Variants in ANKFN1 observed in about 807,000 individuals in gnomAD.
The protein encoded by ANKFN1 is ankyrin repeat and fibronectin type III domain containing 1.
Under a neutral mutation model 108.7 loss-of-function variants are expected in ANKFN1, and 74 were observed. That is an observed-to-expected ratio of 0.68 (90% CI 0.56 to 0.83). ANKFN1 has a LOEUF of 0.83. Ranked by LOEUF, ANKFN1 falls within the 40% of genes least tolerant of loss-of-function variation. The probability of loss-of-function intolerance (pLI) is 0.00; values close to 1 mark genes in which losing one functional copy is unlikely to be tolerated. For missense variants in ANKFN1, 1,505 were observed against 1,382.3 expected, an observed-to-expected ratio of 1.09 and a Z score of -1.41; for synonymous variants, 547 against 516.2, an observed-to-expected ratio of 1.06 and a Z score of -0.81.
Position 56,511,635 on chromosome 17 carries a change from T to C in ANKFN1, c.*366T>C, listed in dbSNP as rs2051776487. 5.3e-6 allele frequency: 1 copy of C among 187,454 alleles called. No individual in the cohort carries two copies. Among genetic ancestry groups the C allele is most frequent in the Non-Finnish European group, 1.1e-5 (1 of 92,022 alleles). The allele number at this position is 187,454 out of a possible 1,614,324, so 11.6% of individuals were successfully genotyped here. On this transcript the variant is annotated 3_prime_UTR_variant, in exon 21 of 21. Transcript: ENST00000682825. ...TAATCTGACCCCTAGTTTAGGGCTC[T>C]TTCATGAATTTGTGATTGATGAAGA...
rs553962897 is a variant in ANKFN1 at position 56,052,984 on chromosome 17, G to T, written c.288+6659G>T. On this transcript the variant is annotated intron_variant, in intron 4 of 12. Coordinates refer to the ANKFN1 transcript ENST00000635860. Reference sequence around the variant, plus strand: ...GTCAACTCATTTAACATGGGATGAGGGAATGATAAAAAATGTAAAAGAGCA... The same window carrying T: ...GTCAACTCATTTAACATGGGATGAGTGAATGATAAAAAATGTAAAAGAGCA... Among the ~76,000 whole-genome samples, 4 of 152,046 alleles carry T rather than the reference G, an allele frequency of 2.6e-5. No homozygotes were observed. The South Asian group carries it at 8.3e-4, about 32-fold the overall frequency.
intron 1 of ANKFN1, among the ~76,000 whole-genome samples, chr17:56,169,057 C>CA (rs1910412106): frequency 6.6e-6 from 1 of 151,944 alleles, no homozygotes; most frequent in African/African-American, 2.4e-5. Flanking sequence ...GGAGATGTAA[C>CA]AGAAAGCGGG....
chr17:56,403,403 G>C (rs1182668805), intron 8 of ANKFN1, among the ~76,000 whole-genome samples: 1 of 151,970 alleles, frequency 6.6e-6, no homozygotes, highest in African/African-American at 2.4e-5. Flanking sequence ...TATATGTTTA[G>C]GATTGTGATA....
At chr17:56,222,767 G>A (rs1915978095) in intron 2 of ANKFN1, among the ~76,000 whole-genome samples, 1 of 152,154 alleles carries the variant, frequency 6.6e-6, no homozygotes, top group Non-Finnish European at 1.5e-5. Context: ...TGTTGATAGA[G>A]GGTGAATAGT....
chr17:56,195,663 C>T (rs1913438359), intron 1 of ANKFN1, among the ~76,000 whole-genome samples: 1 of 152,184 alleles, frequency 6.6e-6, no homozygotes, highest in Non-Finnish European at 1.5e-5. Context: ...TCCTTCTCCT[C>T]ATCAAGTAAA....
chr17:56,427,390 G>C (rs571256055), intron 8 of ANKFN1, among the ~76,000 whole-genome samples: 193 of 152,192 alleles, frequency 1.3e-3, no homozygotes, highest in African/African-American at 4.4e-3. Flanking sequence ...CAATGTACAC[G>C]AGTCTTCTGT....
At chr17:56,476,419 A>G (rs908412543) in intron 15 of ANKFN1, among the ~76,000 whole-genome samples, 3 of 152,334 alleles carry the variant, frequency 2.0e-5, no homozygotes, top group Middle Eastern at 6.8e-3. Flanking sequence ...CCATTCAAAC[A>G]TCCCTGTACT....
At chr17:56,366,557 G>A (rs1458861927) in intron 6 of ANKFN1, among the ~76,000 whole-genome samples, 2 of 152,162 alleles carry the variant, frequency 1.3e-5, no homozygotes, top group African/African-American at 4.8e-5. Context: ...CAGGGTAAAT[G>A]CCCTATACAG....
chr17:56,245,075 T>G (rs9905424), intron 3 of ANKFN1, among the ~76,000 whole-genome samples: 9,172 of 152,160 alleles, frequency 0.06, 376 homozygotes, highest in African/African-American at 0.11. Flanking sequence ...AACCCTATTT[T>G]TATTTCAAAT....
At position 56,416,515 on chromosome 17, in the gene ANKFN1, A is replaced by G. The variant is rs1451916242; in HGVS notation, c.911-23812A>G. ...AAAACTCCCATGAGATTATCATCTC[A>G]CCCCAGTTAAAATGGCTTTCATCCA... On this transcript the variant is annotated intron_variant, in intron 8 of 20. Transcript: ENST00000682825. Among the ~76,000 whole-genome samples the G allele has an allele frequency of 3.9e-5, 6 of 152,314 alleles. No individual in the cohort carries two copies. The East Asian group carries it at 1.2e-3, about 29-fold the overall frequency.
chr17:56,179,353 C>T (rs1911466560), intron 1 of ANKFN1, among the ~76,000 whole-genome samples: 1 of 152,160 alleles, frequency 6.6e-6, no homozygotes, highest in African/African-American at 2.4e-5. Flanking sequence ...AGAAATAGGC[C>T]AGGCTCCTGC....
chr17:56,175,651 T>C (rs1199923334), intron 1 of ANKFN1, among the ~76,000 whole-genome samples: 7 of 152,156 alleles, frequency 4.6e-5, no homozygotes, highest in Admixed American at 4.6e-4. Context: ...TCACCATCCA[T>C]TTCCACCATT....
chr17:56,401,351 G>A (rs1018611871), intron 8 of ANKFN1, among the ~76,000 whole-genome samples: 1 of 69,164 alleles, frequency 1.4e-5, no homozygotes, highest in Non-Finnish European at 3.3e-5. Flanking sequence ...GTATTGTATT[G>A]TATTGTATTG....
intron 3 of ANKFN1, among the ~76,000 whole-genome samples, chr17:56,288,719 G>A (rs1280556406): frequency 6.6e-6 from 1 of 152,156 alleles, no homozygotes; most frequent in East Asian, 1.9e-4. Context: ...CTAGCCCAGA[G>A]GAAGAGCCTT....
At chr17:56,122,905 C>T (rs1249019434) in intron 4 of ANKFN1, among the ~76,000 whole-genome samples, 1 of 152,132 alleles carries the variant, frequency 6.6e-6, no homozygotes, top group Non-Finnish European at 1.5e-5. Context: ...GTGGAGCTCA[C>T]CAGAACTCTG....
At chr17:56,423,930 G>A (rs1309163960) in intron 8 of ANKFN1, among the ~76,000 whole-genome samples, 2 of 152,112 alleles carry the variant, frequency 1.3e-5, no homozygotes, top group Admixed American at 1.3e-4. Context: ...GAATGTATTG[G>A]CTTTATATGT....
At chr17:56,441,306 T>C (rs1277824847) in intron 9 of ANKFN1, among the ~76,000 whole-genome samples, 1 of 152,156 alleles carries the variant, frequency 6.6e-6, no homozygotes, top group Non-Finnish European at 1.5e-5. Context: ...TAAAGGTTTG[T>C]TGATTAAAAT....
chr17:56,365,585 T>G (rs1251867751), intron 6 of ANKFN1, among the ~76,000 whole-genome samples: 1 of 152,178 alleles, frequency 6.6e-6, no homozygotes, highest in African/African-American at 2.4e-5. Flanking sequence ...CCAAAGCCCT[T>G]TTACCACGTT....
chr17:56,236,629 T>C (rs930543571), intron 3 of ANKFN1, among the ~76,000 whole-genome samples: 1 of 152,166 alleles, frequency 6.6e-6, no homozygotes, highest in Non-Finnish European at 1.5e-5. Flanking sequence ...AATCAGGTGG[T>C]CTGCAAACAA....
Sources: gnomAD v4.1 joint callset for allele counts (sites outside exome capture counted in the v4.1 genomes callset) on GRCh38, gnomAD v4.1.1 for gene constraint, MANE v1.5 for transcripts, NCBI Gene and HGNC (gene_info 2026-07-23, HGNC 2026-07-21) for gene names.